The following CCDC102B variants were observed in gnomAD, a reference collection of about 807,000 sequenced individuals.
CCDC102B encodes coiled-coil domain containing 102B.
CCDC102B carries 75 observed loss-of-function variants against 57.4 expected under a neutral mutation model. The observed-to-expected ratio is 1.31, with a 90% CI of 1.08 to 1.58. The LOEUF (loss-of-function observed/expected upper bound fraction) is 1.58, where lower values mean the gene tolerates loss of function less well. Ranked by LOEUF, CCDC102B falls within the 40% of genes most tolerant of loss-of-function variation. The pLI, the probability that CCDC102B is intolerant of heterozygous loss-of-function variation, is 0.00. For missense variants in CCDC102B, 636 were observed against 582.6 expected (o/e 1.09, Z -0.94); for synonymous variants, 206 against 201.9 (o/e 1.02, Z -0.17).
chr18:68,956,504 AAT>A (rs374868869), intron 6 of CCDC102B, among the ~76,000 whole-genome samples: 24,775 of 51,426 alleles, frequency 0.48, 7,318 homozygotes, highest in African/African-American at 0.56. Context: ...TAAAATATAT[AAT>A]ATATATATCG....
intron 5 of CCDC102B, among the ~76,000 whole-genome samples, chr18:68,880,524 G>A (rs975839949): frequency 6.6e-6 from 1 of 152,218 alleles, no homozygotes; most frequent in Non-Finnish European, 1.5e-5. Flanking sequence ...GAGCCAGCGA[G>A]GGCTGTGAGG....
At chr18:69,003,985 T>C (rs1018524989) in intron 6 of CCDC102B, among the ~76,000 whole-genome samples, 14 of 152,204 alleles carry the variant, frequency 9.2e-5, no homozygotes, top group Admixed American at 8.5e-4. Flanking sequence ...AATTATATAC[T>C]CACTTTACAC....
At chr18:68,791,284 AG>A (rs1009787103) in intron 2 of CCDC102B, among the ~76,000 whole-genome samples, 2 of 152,210 alleles carry the variant, frequency 1.3e-5, no homozygotes, top group African/African-American at 4.8e-5. Flanking sequence ...CTCTTTCCTT[AG>A]TGAGGTCAAG....
At chr18:68,845,702 A>T (rs1447241051) in intron 3 of CCDC102B, among the ~76,000 whole-genome samples, 1 of 151,920 alleles carries the variant, frequency 6.6e-6, no homozygotes, top group Non-Finnish European at 1.5e-5. Context: ...TGGTTGGTGT[A>T]TTAAAGGACT....
At chr18:68,975,132 T>G (rs2050400692) in intron 6 of CCDC102B, among the ~76,000 whole-genome samples, 1 of 152,028 alleles carries the variant, frequency 6.6e-6, no homozygotes, top group Non-Finnish European at 1.5e-5. Context: ...CATTGTCTAA[T>G]GGGCAGTGTT....
intron 2 of CCDC102B, among the ~76,000 whole-genome samples, chr18:68,758,937 C>G (rs1599418864): frequency 6.9e-6 from 1 of 144,586 alleles, no homozygotes; most frequent in Non-Finnish European, 1.5e-5. Flanking sequence ...AGAAAAAAAC[C>G]TAAAAAAAAA....
chr18:68,843,909 A>G (rs1212307954), intron 3 of CCDC102B, among the ~76,000 whole-genome samples: 1 of 151,958 alleles, frequency 6.6e-6, no homozygotes, highest in African/African-American at 2.4e-5. Context: ...ATAAATTTAG[A>G]CATACAATGT....
At chr18:68,959,664 G>A (rs2049996226) in intron 6 of CCDC102B, among the ~76,000 whole-genome samples, 1 of 152,106 alleles carries the variant, frequency 6.6e-6, no homozygotes, top group Middle Eastern at 3.4e-3. Context: ...AATCTACTTG[G>A]TCCTCTATTC....
At chr18:68,809,001 A>G (rs1486420027) in intron 1 of CCDC102B, among the ~76,000 whole-genome samples, 1 of 152,234 alleles carries the variant, frequency 6.6e-6, no homozygotes, top group Non-Finnish European at 1.5e-5. Context: ...TTGTGATTTC[A>G]AAATAGATTA....
chr18:68,867,656 C>G (rs1220025635), intron 4 of CCDC102B, among the ~76,000 whole-genome samples: 1 of 152,066 alleles, frequency 6.6e-6, no homozygotes, highest in Non-Finnish European at 1.5e-5. Flanking sequence ...GCTAGCTGGC[C>G]GGGCGCAGTG....
intron 2 of CCDC102B, among the ~76,000 whole-genome samples, chr18:68,732,904 CCAGATT>C (rs1450858890): frequency 6.6e-6 from 1 of 152,036 alleles, no homozygotes; most frequent in Non-Finnish European, 1.5e-5. Flanking sequence ...GAGCTCCCTT[CCAGATT>C]CCTGGGCTGC....
chr18:68,732,213 C>T (rs924849578), intron 2 of CCDC102B, among the ~76,000 whole-genome samples: 13 of 151,832 alleles, frequency 8.6e-5, no homozygotes, highest in East Asian at 2.0e-4. Context: ...TTTCTTCTAT[C>T]GCCCTGTGTA....
At chr18:68,723,565 A>T (rs1272394209) in intron 2 of CCDC102B, among the ~76,000 whole-genome samples, 2 of 152,190 alleles carry the variant, frequency 1.3e-5, no homozygotes, top group Admixed American at 6.5e-5. Context: ...CCCAAAGGGG[A>T]TACGGGCCCC....
chr18:68,869,090 G>A (rs746045145), intron 4 of CCDC102B, among the ~76,000 whole-genome samples: 7 of 152,064 alleles, frequency 4.6e-5, no homozygotes, highest in Non-Finnish European at 7.4e-5. Flanking sequence ...ACAGAAACGA[G>A]AAGAAAAATG....
At chr18:68,973,949 T>G (rs548885868) in intron 6 of CCDC102B, among the ~76,000 whole-genome samples, 1 of 152,114 alleles carries the variant, frequency 6.6e-6, no homozygotes, top group South Asian at 2.1e-4. Flanking sequence ...TCTTAGCGGC[T>G]GCAACATCAA....
intron 7 of CCDC102B, among the ~76,000 whole-genome samples, chr18:69,017,006 C>G (rs1431406): frequency 0.85 from 129,010 of 152,086 alleles, 56,072 homozygotes; most frequent in Non-Finnish European, 0.95. Context: ...GTAAAGTAAA[C>G]CTCAAAAGAT....
intron 6 of CCDC102B, among the ~76,000 whole-genome samples, chr18:68,902,025 C>T (rs1194961475): frequency 6.6e-6 from 1 of 152,208 alleles, no homozygotes; most frequent in East Asian, 1.9e-4. Flanking sequence ...GACACTGATT[C>T]TGCTGGTCCA....
At chr18:68,806,223 TG>T (rs1410650033) in intron 1 of CCDC102B, among the ~76,000 whole-genome samples, 1 of 152,190 alleles carries the variant, frequency 6.6e-6, no homozygotes, top group Admixed American at 6.5e-5. Context: ...TTTTTTCCCA[TG>T]TTGTCTAAAC....
intron 6 of CCDC102B, among the ~76,000 whole-genome samples, chr18:68,931,152 A>G (rs1394628176): frequency 1.3e-5 from 2 of 151,862 alleles, no homozygotes; most frequent in African/African-American, 2.4e-5. Flanking sequence ...CAAGGCAAAT[A>G]TGATCTGTAA....
Sources: gnomAD v4.1 joint callset for allele counts (sites outside exome capture counted in the v4.1 genomes callset) on GRCh38, gnomAD v4.1.1 for gene constraint, MANE v1.5 for transcripts, NCBI Gene and HGNC (gene_info 2026-07-23, HGNC 2026-07-21) for gene names.